EPHA5: variants seen among roughly 807,000 people sequenced by gnomAD.
EPHA5 encodes EPH receptor A5.
EPHA5 carries 60 observed loss-of-function variants against 105.0 expected under a neutral mutation model. The ratio of observed to expected loss-of-function variants is 0.57; its 90% confidence interval spans 0.46 to 0.71. EPHA5 has a LOEUF of 0.71. EPHA5 is among the 30% of genes least tolerant of loss of function. The pLI is 0.00. For missense variants in EPHA5, 1,218 were observed against 1,274.7 expected, an observed-to-expected ratio of 0.96 and a Z score of 0.68; for synonymous variants, 513 against 449.1, an observed-to-expected ratio of 1.14 and a Z score of -1.80.
At chr4:65,402,870 G>T (rs928015142) in intron 8 of EPHA5, among the ~76,000 whole-genome samples, 1 of 152,032 alleles carries the variant, frequency 6.6e-6, no homozygotes, top group Non-Finnish European at 1.5e-5. Flanking sequence ...TGACAAGACC[G>T]ATGAAATCAG....
chr4:65,419,339 TA>T (rs1461318441), intron 6 of EPHA5, among the ~76,000 whole-genome samples: 2 of 152,130 alleles, frequency 1.3e-5, no homozygotes, highest in African/African-American at 4.8e-5. Context: ...AGTTCTTAGG[TA>T]TTGTAAAGTA....
chr4:65,605,543 T>TC (rs1744145321), intron 2 of EPHA5, among the ~76,000 whole-genome samples: 1 of 152,158 alleles, frequency 6.6e-6, no homozygotes, highest in Non-Finnish European at 1.5e-5. Flanking sequence ...GTCCCCAAAT[T>TC]CACAGTAGGA....
chr4:65,340,666 C>A (rs1721626908), intron 14 of EPHA5, among the ~76,000 whole-genome samples: 1 of 152,088 alleles, frequency 6.6e-6, no homozygotes. Flanking sequence ...TAGTAACCTG[C>A]CTTTTCTGAA....
At chr4:65,460,004 T>A (rs1471193927) in intron 5 of EPHA5, among the ~76,000 whole-genome samples, 1 of 151,712 alleles carries the variant, frequency 6.6e-6, no homozygotes, top group African/African-American at 2.4e-5. Context: ...TTTGAAATAA[T>A]CTACCCTTAA....
chr4:65,419,881 A>G (rs941850574), intron 6 of EPHA5, among the ~76,000 whole-genome samples: 8 of 152,222 alleles, frequency 5.3e-5, no homozygotes, highest in Non-Finnish European at 1.5e-5. Context: ...AAAAGTGGCT[A>G]TAAGAGACTC....
Position 65,615,873 on chromosome 4 carries a change from G to A in EPHA5, c.247-13569C>T, listed in dbSNP as rs532266070. 1.1e-4 allele frequency among the ~76,000 whole-genome samples: 17 copies of A among 151,916 alleles called. 2 individuals are homozygous for A. The South Asian group carries it at 3.3e-3, about 30-fold the overall frequency. ...AAATGGTACAGGCACATGGATAACAGGAAATTTCATATTAAATTAAATCTG... is the reference window on the plus strand; with the variant it reads ...AAATGGTACAGGCACATGGATAACAAGAAATTTCATATTAAATTAAATCTG... On this transcript the variant is annotated intron_variant, in intron 2 of 16. Transcript: ENST00000613740.
intron 3 of EPHA5, 58 bp downstream of exon 3, chr4:65,601,583 C>A (rs2149436317): frequency 6.7e-7 from 1 of 1,486,250 alleles, no homozygotes; most frequent in East Asian, 2.3e-5. Context: ...GGAGGAAATA[C>A]ATATACATGA....
In EPHA5 at chr4:65,332,130, T is replaced by G. The variant is rs775331623; in HGVS notation, c.2790-2A>C. On this transcript the variant is annotated splice_acceptor_variant, in intron 15 of 16. Coordinates refer to ENST00000613740, the MANE Select transcript of EPHA5 (RefSeq NM_001281766.3). LOFTEE classifies it high-confidence loss of function. ...TGTTCTGCCAATAAATTAGATACTC[T>G]AAAACACATAAAACATAAATATTAA... The G allele has an allele frequency of 6.4e-7, 1 of 1,571,420 alleles. No individual in the cohort carries two copies. Among genetic ancestry groups the G allele is most frequent in the Admixed American group, 2.0e-5 (1 of 49,924 alleles).
At chr4:65,519,613 T>C (rs186765029) in intron 3 of EPHA5, among the ~76,000 whole-genome samples, 178 of 152,306 alleles carry the variant, frequency 1.2e-3, no homozygotes, top group Non-Finnish European at 2.1e-3. Flanking sequence ...GACATGTTTG[T>C]ATATTTACAA....
intron 5 of EPHA5, among the ~76,000 whole-genome samples, chr4:65,445,138 A>G (rs1726393369): frequency 6.6e-6 from 1 of 152,064 alleles, no homozygotes; most frequent in East Asian, 1.9e-4. Flanking sequence ...TTTTTATAGG[A>G]TATCCATAAA....
intron 5 of EPHA5, among the ~76,000 whole-genome samples, chr4:65,440,495 A>C (rs1725902497): frequency 2.1e-5 from 1 of 47,616 alleles, no homozygotes; most frequent in Non-Finnish European, 5.1e-5. Context: ...CTTTTCCTAA[A>C]TCTTACACAC....
intron 5 of EPHA5, among the ~76,000 whole-genome samples, chr4:65,444,956 T>TTAAACAA (rs2149093993): frequency 1.3e-5 from 2 of 152,240 alleles, no homozygotes; most frequent in African/African-American, 4.8e-5. Flanking sequence ...TTTATTTTGT[T>TTAAACAA]TAAACAATAC....
chr4:65,533,951 AAAAGAAAG>A (rs145816997), intron 3 of EPHA5, among the ~76,000 whole-genome samples: 3 of 149,842 alleles, frequency 2.0e-5, no homozygotes, highest in African/African-American at 4.9e-5. Context: ...ATAAATAAAT[AAAAGAAAG>A]AAAGAAAGAA....
intron 2 of EPHA5, among the ~76,000 whole-genome samples, chr4:65,641,047 C>T (rs1207401221): frequency 6.6e-6 from 1 of 152,112 alleles, no homozygotes; most frequent in East Asian, 1.9e-4. Flanking sequence ...ACTTCAAGAG[C>T]TCTAAGTCAG....
intron 3 of EPHA5, among the ~76,000 whole-genome samples, chr4:65,520,258 A>G (rs1217207019): frequency 6.6e-6 from 1 of 152,174 alleles, no homozygotes; most frequent in Non-Finnish European, 1.5e-5. Context: ...GACAAACCTG[A>G]CAAAAACAAG....
chr4:65,357,264 T>C (rs536160323), intron 11 of EPHA5, among the ~76,000 whole-genome samples: 11 of 151,466 alleles, frequency 7.3e-5, no homozygotes, highest in Non-Finnish European at 1.3e-4. Flanking sequence ...AAAGGTTCAA[T>C]ATATTACTCG....
intron 7 of EPHA5, among the ~76,000 whole-genome samples, chr4:65,413,238 A>G (rs1723079940): frequency 6.6e-6 from 1 of 152,250 alleles, no homozygotes. Context: ...AACTTCACTC[A>G]TGGATTTTCC....
At chr4:65,492,394 A>T (rs1578243223) in intron 4 of EPHA5, among the ~76,000 whole-genome samples, 1 of 151,604 alleles carries the variant, frequency 6.6e-6, no homozygotes, top group African/African-American at 2.4e-5. Flanking sequence ...TAGAGATAAG[A>T]TTTCACCATG....
chr4:65,441,362 A>G (rs1725992592), intron 5 of EPHA5, among the ~76,000 whole-genome samples: 1 of 152,104 alleles, frequency 6.6e-6, no homozygotes, highest in Non-Finnish European at 1.5e-5. Flanking sequence ...GAAAAACAGT[A>G]TTTCCATAAT....
Sources: gnomAD v4.1 joint callset for allele counts (sites outside exome capture counted in the v4.1 genomes callset) on GRCh38, gnomAD v4.1.1 for gene constraint, MANE v1.5 for transcripts, NCBI Gene and HGNC (gene_info 2026-07-23, HGNC 2026-07-21) for gene names.